The following VSIG4 variants were observed in gnomAD, a reference collection of about 807,000 sequenced individuals.
VSIG4 encodes V-set and immunoglobulin domain-containing protein 4.
In VSIG4, 34 loss-of-function variants were observed where a neutral mutation model predicts 23.4. The observed-to-expected ratio is 1.45, with a 90% CI of 1.10 to 1.93. VSIG4 has a LOEUF of 1.93. Ranked by LOEUF, VSIG4 falls within the 30% of genes most tolerant of loss-of-function variation. The probability of loss-of-function intolerance (pLI) is 0.00; values close to 1 mark genes in which losing one functional copy is unlikely to be tolerated. For synonymous variants in VSIG4, 169 were observed against 120.3 expected, an observed-to-expected ratio of 1.41 and a Z score of -2.65; for missense variants, 433 against 310.8, an observed-to-expected ratio of 1.39 and a Z score of -2.96.
chrX:66,036,950 T>A (rs866166261), intron 1 of VSIG4, among the ~76,000 whole-genome samples: 1 of 27,358 alleles, frequency 3.7e-5, no homozygotes, highest in Non-Finnish European at 5.4e-5. Flanking sequence ...ATATGATATA[T>A]TATATTATAT....
At chrX:66,039,153 C>A (rs141689690) in intron 1 of VSIG4, among the ~76,000 whole-genome samples, 1,980 of 111,918 alleles carry the variant, frequency 0.018, 46 homozygotes, top group African/African-American at 0.061. Context: ...AGTGAGTTAT[C>A]CCAGGAATGG....
In VSIG4 at chrX:66,032,455, G is replaced by A; in HGVS notation, c.694+13C>T. Reference sequence around the variant, plus strand: ...GTGTGTTAAGATGCTCACCAGGAAAGAGGGCCGCTCACCTTTGACCACAAA... The same window carrying A: ...GTGTGTTAAGATGCTCACCAGGAAAAAGGGCCGCTCACCTTTGACCACAAA... On this transcript the variant is annotated intron_variant, in intron 3 of 7. Coordinates refer to ENST00000374737, the MANE Select transcript of VSIG4 (RefSeq NM_007268.3). 8.3e-7 allele frequency: 1 copy of A among 1,202,858 alleles called. No homozygotes were observed. Among genetic ancestry groups the A allele is most frequent in the Non-Finnish European group, 1.1e-6 (1 of 889,714 alleles).
At chrX:66,023,827 C>T (rs1054376899) in intron 6 of VSIG4, among the ~76,000 whole-genome samples, 3 of 112,099 alleles carry the variant, frequency 2.7e-5, no homozygotes, top group African/African-American at 6.5e-5. Flanking sequence ...ACCTTTATCC[C>T]CTGGGCCATA....
At chrX:66,031,855 GT>G (rs2085467606) in intron 3 of VSIG4, among the ~76,000 whole-genome samples, 1 of 111,705 alleles carries the variant, frequency 9.0e-6, no homozygotes, top group Non-Finnish European at 1.9e-5. Context: ...TTGTATTTGG[GT>G]TTACAATGAA....
chrX:66,022,900 G>A, intron 6 of VSIG4, 38 bp from the exon 7 acceptor site: 1 of 1,193,499 alleles, frequency 8.4e-7, no homozygotes, highest in African/African-American at 1.7e-5. Flanking sequence ...AAGTTTTCAT[G>A]GCAAGTGGAC....
intron 1 of VSIG4, among the ~76,000 whole-genome samples, chrX:66,038,469 T>C (rs1017529757): frequency 5.7e-5 from 5 of 87,964 alleles, no homozygotes; most frequent in African/African-American, 2.8e-4. Flanking sequence ...ACATGAGTGC[T>C]CTCTCTCTCT....
chrX:66,035,278 C>T (rs2085522908), intron 1 of VSIG4, among the ~76,000 whole-genome samples: 1 of 112,075 alleles, frequency 8.9e-6, no homozygotes, highest in African/African-American at 3.2e-5. Context: ...GAACTCAGAC[C>T]TACGAATGGG....
At position 66,033,583 on chromosome X, in the gene VSIG4, G is replaced by T; in HGVS notation, c.303C>A (p.Ser101Arg). ...GGCTCCGGTCATCCATCTCCAGGGT[G>T]CTCAATTGGAGGGATACATCTCCTG... Reference protein sequence around the residue: ...KVPGDVSLQLSTLEMDDRSHY... With the variant: ...KVPGDVSLQLRTLEMDDRSHY... The change falls in exon 2 of 8, where the codon AGC (serine) becomes AGA (arginine). Residue 101 changes from serine to arginine, a missense_variant. Transcript: ENST00000374737. 3 of 1,211,371 alleles carry T rather than the reference G, an allele frequency of 2.5e-6. No homozygotes were observed. Among genetic ancestry groups the T allele is most frequent in the Non-Finnish European group, 3.4e-6 (3 of 895,343 alleles).
chrX:66,025,203 T>A, intron 5 of VSIG4, 74 bp from the exon 6 acceptor site: 5 of 725,387 alleles, frequency 6.9e-6, no homozygotes, highest in Non-Finnish European at 9.8e-6. Context: ...AGAAACAGCC[T>A]AGACTAAGCC....
intron 6 of VSIG4, 86 bp from the exon 7 acceptor site, chrX:66,022,948 T>C: frequency 1.9e-6 from 2 of 1,027,543 alleles, no homozygotes; most frequent in Non-Finnish European, 2.7e-6. Flanking sequence ...AGTCAAAAGA[T>C]GAGGGAAGGG....
At chrX:66,023,605 G>A (rs2085357870) in intron 6 of VSIG4, among the ~76,000 whole-genome samples, 1 of 112,498 alleles carries the variant, frequency 8.9e-6, no homozygotes. Context: ...CGCAAGGGTC[G>A]TGTCTTTTTC....
chrX:66,035,862 G>GAA (rs2085532014), intron 1 of VSIG4, among the ~76,000 whole-genome samples: 3 of 112,441 alleles, frequency 2.7e-5, no homozygotes, highest in Non-Finnish European at 5.6e-5. Context: ...GCTGTGAGTT[G>GAA]AAAATGCCTT....
At chrX:66,022,578 C>A in intron 7 of VSIG4, 78 bp from the exon 8 acceptor site, 1 of 1,168,447 alleles carries the variant, frequency 8.6e-7, no homozygotes, top group Non-Finnish European at 1.1e-6. Flanking sequence ...TGCCTCAATT[C>A]TTGCCAATTA....
Position 66,022,140 on chromosome X carries a change from C to G in VSIG4, c.*123G>C. ...GCAAAGCCAGTGACTCCCAGCGGCT[C>G]CAGTGTTGGTAGGCGGACACTTTGG... On this transcript the variant is annotated 3_prime_UTR_variant, in exon 8 of 8. Coordinates refer to ENST00000374737, the MANE Select transcript of VSIG4 (RefSeq NM_007268.3). 1 of 1,197,141 alleles carries G rather than the reference C, an allele frequency of 8.4e-7. No individual in the cohort carries two copies. The highest frequency in any genetic ancestry group is 1.1e-6 in the Non-Finnish European group (1 of 887,867).
At chrX:66,031,678 T>G (rs775073712) in intron 3 of VSIG4, among the ~76,000 whole-genome samples, 8 of 111,245 alleles carry the variant, frequency 7.2e-5, no homozygotes, top group Non-Finnish European at 1.3e-4. Flanking sequence ...GGAGATCTCT[T>G]GAAAGCTAAG....
At chrX:66,031,863 TG>T (rs2085467676) in intron 3 of VSIG4, among the ~76,000 whole-genome samples, 1 of 111,633 alleles carries the variant, frequency 9.0e-6, no homozygotes, top group African/African-American at 3.3e-5. Context: ...GGGTTTACAA[TG>T]AAGTGGGGGA....
intron 1 of VSIG4, among the ~76,000 whole-genome samples, chrX:66,035,330 T>C (rs1280439885): frequency 8.9e-6 from 1 of 112,158 alleles, no homozygotes; most frequent in Admixed American, 9.5e-5. Flanking sequence ...ATTTTCCTAA[T>C]TCTATTTCTT....
At chrX:66,027,312 C>T in intron 5 of VSIG4, 137 bp downstream of exon 5, 2 of 542,867 alleles carry the variant, frequency 3.7e-6, no homozygotes, top group East Asian at 3.7e-5. Context: ...ATCCTCAGTG[C>T]CCTTGACCAT....
intron 5 of VSIG4, 87 bp downstream of exon 5, chrX:66,027,362 G>T: frequency 1.2e-6 from 1 of 809,355 alleles, no homozygotes; most frequent in Non-Finnish European, 1.8e-6. Flanking sequence ...AGATTTCAAT[G>T]CTGTAGAACA....
Sources: gnomAD v4.1 joint callset for allele counts (sites outside exome capture counted in the v4.1 genomes callset) on GRCh38, gnomAD v4.1.1 for gene constraint, MANE v1.5 for transcripts, NCBI Gene and HGNC (gene_info 2026-07-23, HGNC 2026-07-21) for gene names.